The following LATS2 variants were observed in gnomAD, a reference collection of about 807,000 sequenced individuals.
The protein encoded by LATS2 is large tumor suppressor kinase 2.
In LATS2, 24 loss-of-function variants were observed where a neutral mutation model predicts 76.0. That is an observed-to-expected ratio of 0.32 (90% CI 0.23 to 0.44). LATS2 has a LOEUF of 0.44. Among genes scored for constraint, LATS2 ranks in the 20% least tolerant of loss-of-function variants. The pLI, the probability that LATS2 is intolerant of heterozygous loss-of-function variation, is 1.00. For synonymous variants in LATS2, 692 were observed against 635.4 expected, an observed-to-expected ratio of 1.09 and a Z score of -1.34; for missense variants, 1,286 against 1,481.2, an observed-to-expected ratio of 0.87 and a Z score of 2.16.
Position 20,988,360 on chromosome 13 carries a change from C to CGGGGGG in LATS2, c.1419_1420insCCCCCC (p.Pro473_Ala474insProPro). The CGGGGGG allele has an allele frequency of 7.5e-7, 1 of 1,330,548 alleles. No individual in the cohort carries two copies. The highest frequency in any genetic ancestry group is 9.6e-7 in the Non-Finnish European group (1 of 1,038,252). 82.4% of individuals were successfully genotyped at this position (1,330,548 alleles called of 1,614,324 possible). ...TCCGCAGCCGGGGCGGGGGCGGGGG[C>CGGGGGG]GGGGGCCGGGGCAGGCGCGGGCACC... On this transcript the variant is annotated inframe_insertion, in exon 4 of 8. Transcript: ENST00000382592.
intron 2 of LATS2, among the ~76,000 whole-genome samples, chr13:21,002,250 A>G (rs1445376888): frequency 6.6e-6 from 1 of 152,078 alleles, no homozygotes; most frequent in Non-Finnish European, 1.5e-5. Flanking sequence ...AAATTCTGGG[A>G]TGGTCTAAGA....
intron 2 of LATS2, among the ~76,000 whole-genome samples, chr13:21,026,774 A>G (rs549177245): frequency 9.8e-5 from 15 of 152,356 alleles, no homozygotes; most frequent in Admixed American, 8.5e-4. Flanking sequence ...TAGGTAACAT[A>G]GCAAAACCTC....
intron 6 of LATS2, 141 bp from the exon 7 acceptor site, chr13:20,979,938 T>G: frequency 2.2e-6 from 1 of 456,710 alleles, no homozygotes; most frequent in East Asian, 3.4e-5. Flanking sequence ...GATGGACCTA[T>G]GTAAGTACCT....
chr13:21,007,760 ATTTTT>A (rs1202476922), intron 2 of LATS2, among the ~76,000 whole-genome samples: 1 of 4,568 alleles, frequency 2.2e-4, no homozygotes, highest in African/African-American at 1.1e-3. Context: ...ATATATATAT[ATTTTT>A]TTTTTTTTTT....
chr13:21,021,826 C>CAG (rs1235179536), intron 2 of LATS2, among the ~76,000 whole-genome samples: 1 of 152,238 alleles, frequency 6.6e-6, no homozygotes, highest in African/African-American at 2.4e-5. Context: ...GTAGCCCTCA[C>CAG]AGAGCCCCAG....
At position 20,983,417 on chromosome 13, in the gene LATS2, G is replaced by A. The variant is rs1238193869; in HGVS notation, c.2289C>T (p.Phe763=). ...MMSLLIRMEV[F]PEHLARFYIA... ...TGTAGAACCGGGCCAGGTGCTCAGG[G>A]AAGACCTCCATCCGGATCAGCAGGC... is the stretch of plus-strand genomic sequence containing the variant. The change falls in exon 5 of 8, where the codon TTC becomes TTT. Residue 763 remains phenylalanine (F), a synonymous_variant. Coordinates refer to ENST00000382592, the MANE Select transcript of LATS2 (RefSeq NM_014572.3). The A allele has an allele frequency of 6.2e-7, 1 of 1,613,962 alleles. No individual in the cohort carries two copies. Among genetic ancestry groups the A allele is most frequent in the East Asian group, 2.2e-5 (1 of 44,876 alleles).
At chr13:20,981,769 C>T (rs1869900042) in intron 5 of LATS2, 121 bp from the exon 6 acceptor site, 9 of 797,736 alleles carry the variant, frequency 1.1e-5, no homozygotes, top group Admixed American at 8.7e-5. Context: ...CAGCTCCTGA[C>T]ATATCAGGAC....
chr13:21,012,785 AC>A (rs34789164), intron 2 of LATS2, among the ~76,000 whole-genome samples: 41,266 of 145,304 alleles, frequency 0.28, 6,291 homozygotes, highest in African/African-American at 0.42. Flanking sequence ...GGTGAATCAC[AC>A]CCCCCCCCCA....
chr13:21,003,068 T>C (rs1041008796), intron 2 of LATS2, among the ~76,000 whole-genome samples: 32 of 152,134 alleles, frequency 2.1e-4, no homozygotes, highest in Non-Finnish European at 3.7e-4. Context: ...TCAATTGCTG[T>C]TAAGATCATC....
intron 1 of LATS2, among the ~76,000 whole-genome samples, chr13:21,050,323 G>A (rs987915922): frequency 6.6e-6 from 1 of 151,690 alleles, no homozygotes; most frequent in Non-Finnish European, 1.5e-5. Context: ...CTTGTAAATA[G>A]CATCCAAATC....
At position 20,973,805 on chromosome 13, in the gene LATS2, G is replaced by C. The variant is rs758257680; in HGVS notation, c.*1065C>G. On this transcript the variant is annotated 3_prime_UTR_variant, in exon 8 of 8. Coordinates refer to ENST00000382592, the MANE Select transcript of LATS2 (RefSeq NM_014572.3). The stretch of plus-strand genomic sequence containing the variant: ...GTGTGGGCAGTCTGTCAGTAAAAAG[G>C]TAAGTAGTAGGGTCAGAGGTATGGC... 1.3e-4 allele frequency: 31 copies of C among 229,992 alleles called. No homozygotes were observed. Among genetic ancestry groups the C allele is most frequent in the Non-Finnish European group, 3.5e-5 (4 of 115,938 alleles). The allele number at this position is 229,992 out of a possible 1,614,324, so 14.2% of individuals were successfully genotyped here.
At position 20,988,710 on chromosome 13, in the gene LATS2, A is replaced by G. The variant is rs1476197738; in HGVS notation, c.1070T>C (p.Val357Ala). The G allele has an allele frequency of 6.4e-7, 1 of 1,565,304 alleles. No individual in the cohort carries two copies. The highest frequency in any genetic ancestry group is 8.6e-7 in the Non-Finnish European group (1 of 1,163,204). The change falls in exon 4 of 8, where the codon GTG (valine) becomes GCG (alanine). Residue 357 changes from valine to alanine, a missense_variant. Coordinates refer to ENST00000382592, the MANE Select transcript of LATS2 (RefSeq NM_014572.3). ...GGTGCTGCCCAATTCATACAGGTCC[A>G]CGTTGAGGCTGTTCCGCGAGGGAGT... Reference protein sequence around the residue: ...LLTPSRNSLNVDLYELGSTSV... With the variant: ...LLTPSRNSLNADLYELGSTSV...
chr13:21,015,054 C>T (rs141156090), intron 2 of LATS2, among the ~76,000 whole-genome samples: 2 of 152,322 alleles, frequency 1.3e-5, no homozygotes, highest in African/African-American at 4.8e-5. Flanking sequence ...CTGGCACTCA[C>T]GTGTGGGCTG....
chr13:21,053,178 T>C (rs1873334729), intron 1 of LATS2, among the ~76,000 whole-genome samples: 1 of 135,080 alleles, frequency 7.4e-6, no homozygotes, highest in African/African-American at 2.8e-5. Context: ...GAGGATGCAG[T>C]GAGCCGAGAA....
At chr13:20,983,110 C>A in intron 5 of LATS2, 114 bp downstream of exon 5, 1 of 652,000 alleles carries the variant, frequency 1.5e-6, no homozygotes, top group Non-Finnish European at 2.7e-6. Flanking sequence ...AATGGAGTGA[C>A]AGATAAAAAT....
chr13:20,994,167 A>G lies in LATS2; in HGVS notation c.343-2763T>C, dbSNP rs146852814. 3.2e-4 allele frequency among the ~76,000 whole-genome samples: 48 copies of G among 152,344 alleles called. No homozygotes were observed. In the East Asian group the frequency reaches 8.7e-3, roughly 28 times the overall value. On this transcript the variant is annotated intron_variant, in intron 2 of 7. Transcript: ENST00000382592. ...TAGGAACTCAGAAAAATCAGCAAGG[A>G]GACCACAAGTGAAGACTCATGTTCA...
chr13:20,993,248 T>C (rs1396146031), intron 2 of LATS2, among the ~76,000 whole-genome samples: 3 of 152,176 alleles, frequency 2.0e-5, no homozygotes, highest in African/African-American at 7.2e-5. Flanking sequence ...TGTGTGTCTG[T>C]GGTTCCCTTA....
intron 3 of LATS2, among the ~76,000 whole-genome samples, chr13:20,989,708 C>T (rs1342351830): frequency 6.6e-6 from 1 of 152,234 alleles, no homozygotes; most frequent in African/African-American, 2.4e-5. Flanking sequence ...AGTTTACCGA[C>T]ACACGGTTCC....
chr13:21,001,311 T>A (rs1871030152), intron 2 of LATS2, among the ~76,000 whole-genome samples: 1 of 152,208 alleles, frequency 6.6e-6, no homozygotes, highest in Non-Finnish European at 1.5e-5. Context: ...GGATCCTATA[T>A]TTCTATTCAT....
Sources: allele counts gnomAD v4.1 joint callset (sites outside exome capture counted in the v4.1 genomes callset), GRCh38; gene constraint gnomAD v4.1.1; transcripts MANE v1.5; gene names NCBI Gene and HGNC (gene_info 2026-07-23, HGNC 2026-07-21).